LTBP1: variants seen among roughly 807,000 people sequenced by gnomAD.
LTBP1 encodes the protein latent-transforming growth factor beta-binding protein 1.
LTBP1 carries 129 observed loss-of-function variants against 207.6 expected under a neutral mutation model. The ratio of observed to expected loss-of-function variants is 0.62; its 90% CI spans 0.54 to 0.72. The LOEUF (loss-of-function observed/expected upper bound fraction) is 0.72. Ranked by LOEUF, LTBP1 falls within the 30% of genes least tolerant of loss-of-function variation. The pLI, the probability that LTBP1 is intolerant of heterozygous loss-of-function variation, is 0.00. For synonymous variants in LTBP1, 963 were observed against 833.7 expected, an observed-to-expected ratio of 1.16 and a Z score of -2.67; for missense variants, 2,281 against 2,217.2, an observed-to-expected ratio of 1.03 and a Z score of -0.58.
chr2:33,259,933 C>T (rs1401942188), intron 13 of LTBP1, among the ~76,000 whole-genome samples: 1 of 152,150 alleles, frequency 6.6e-6, no homozygotes, highest in African/African-American at 2.4e-5. Flanking sequence ...ACCTGATGGC[C>T]TGGACCATCT....
At chr2:33,352,652 CCTCT>C (rs1315585666) in intron 26 of LTBP1, among the ~76,000 whole-genome samples, 1 of 152,122 alleles carries the variant, frequency 6.6e-6, no homozygotes, top group East Asian at 1.9e-4. Flanking sequence ...TCTCTCCTCG[CCTCT>C]CTCATCAATT....
intron 3 of LTBP1, among the ~76,000 whole-genome samples, chr2:33,079,915 C>T (rs1051207923): frequency 4.1e-5 from 6 of 147,134 alleles, no homozygotes; most frequent in Non-Finnish European, 7.5e-5. Flanking sequence ...GCTATTCTTT[C>T]TTTCTCTGTG....
intron 24 of LTBP1, among the ~76,000 whole-genome samples, chr2:33,321,689 C>T (rs977096171): frequency 6.6e-6 from 1 of 152,168 alleles, no homozygotes; most frequent in African/African-American, 2.4e-5. Context: ...CTGAAGAACT[C>T]TGATGCAGTA....
intron 2 of LTBP1, among the ~76,000 whole-genome samples, chr2:32,991,610 A>G (rs866237253): frequency 6.6e-5 from 10 of 152,230 alleles, no homozygotes; most frequent in African/African-American, 2.2e-4. Context: ...TGACATGGGT[A>G]AAGTTTCGGT....
At chr2:33,390,540 G>A (rs894139226) in intron 32 of LTBP1, among the ~76,000 whole-genome samples, 1 of 151,684 alleles carries the variant, frequency 6.6e-6, no homozygotes, top group Non-Finnish European at 1.5e-5. Context: ...CCAGGCTGGA[G>A]TGCAGTGCCA....
chr2:33,034,953 C>A (rs552261913), intron 3 of LTBP1, among the ~76,000 whole-genome samples: 1 of 152,048 alleles, frequency 6.6e-6, no homozygotes, highest in Admixed American at 6.6e-5. Context: ...ATTTTTATAC[C>A]GCAGAATGCC....
At chr2:33,006,862 C>G (rs190732710) in intron 2 of LTBP1, among the ~76,000 whole-genome samples, 1 of 152,004 alleles carries the variant, frequency 6.6e-6, no homozygotes, top group Non-Finnish European at 1.5e-5. Context: ...CCAGATGCAT[C>G]GTGTGTTTTG....
At chr2:33,278,714 C>G (rs2093497475) in intron 18 of LTBP1, among the ~76,000 whole-genome samples, 1 of 151,990 alleles carries the variant, frequency 6.6e-6, no homozygotes, top group South Asian at 2.1e-4. Flanking sequence ...AGTTGTAGTT[C>G]TATTTTTTTG....
intron 5 of LTBP1, among the ~76,000 whole-genome samples, chr2:33,139,080 C>A (rs4452122): frequency 8.7e-5 from 13 of 148,852 alleles, no homozygotes; most frequent in Middle Eastern, 6.9e-3. Flanking sequence ...GGATGGTCTC[C>A]ATCTCCTGAC....
At chr2:33,249,476 G>A (rs1247561481) in intron 10 of LTBP1, among the ~76,000 whole-genome samples, 1 of 152,086 alleles carries the variant, frequency 6.6e-6, no homozygotes, top group African/African-American at 2.4e-5. Context: ...TTAAATATAA[G>A]TTGCTTAATA....
intron 3 of LTBP1, among the ~76,000 whole-genome samples, chr2:33,081,226 G>C (rs2078377767): frequency 6.6e-6 from 1 of 152,102 alleles, no homozygotes; most frequent in African/African-American, 2.4e-5. Flanking sequence ...CTGGAATGAA[G>C]ATTTTAGGAC....
At chr2:33,254,670 A>G (rs1306707896) in intron 11 of LTBP1, among the ~76,000 whole-genome samples, 1 of 145,270 alleles carries the variant, frequency 6.9e-6, no homozygotes, top group African/African-American at 2.6e-5. Flanking sequence ...ATATGTATAC[A>G]TGTGCCATAT....
At chr2:32,963,718 C>G (rs1195728849) in intron 2 of LTBP1, among the ~76,000 whole-genome samples, 1 of 152,136 alleles carries the variant, frequency 6.6e-6, no homozygotes, top group East Asian at 1.9e-4. Context: ...TCCAGGACCT[C>G]CTACAACAGA....
chr2:33,373,011 C>T (rs545158505), intron 31 of LTBP1, among the ~76,000 whole-genome samples: 1 of 152,098 alleles, frequency 6.6e-6, no homozygotes, highest in Non-Finnish European at 1.5e-5. Context: ...CTTAAGTACC[C>T]AGGGATCCCA....
chr2:32,966,756 C>G (rs1417083678), intron 2 of LTBP1, among the ~76,000 whole-genome samples: 1 of 152,032 alleles, frequency 6.6e-6, no homozygotes, highest in African/African-American at 2.4e-5. Context: ...TGTTTTTATT[C>G]ATTGTTGCAT....
chr2:33,360,444 A>G (rs532746922), intron 26 of LTBP1, among the ~76,000 whole-genome samples, 153 bp from the exon 27 acceptor site: 132 of 152,346 alleles, frequency 8.7e-4, no homozygotes, highest in African/African-American at 3.1e-3. Context: ...TTTTATCTCA[A>G]AGTGGAAGAA....
At chr2:33,301,419 A>G (rs1338878917) in intron 21 of LTBP1, 103 bp from the exon 22 acceptor site, 3 of 1,344,358 alleles carry the variant, frequency 2.2e-6, no homozygotes, top group African/African-American at 2.9e-5. Flanking sequence ...CATTACTTGT[A>G]TCAACATTGT....
At chr2:33,088,425 C>G (rs758029123) in intron 3 of LTBP1, among the ~76,000 whole-genome samples, 1 of 152,042 alleles carries the variant, frequency 6.6e-6, no homozygotes, top group Non-Finnish European at 1.5e-5. Context: ...GCACTTCAGC[C>G]TTGGCGACAG....
intron 9 of LTBP1, among the ~76,000 whole-genome samples, chr2:33,241,052 A>C (rs1573377106): frequency 6.6e-6 from 1 of 152,322 alleles, no homozygotes; most frequent in Non-Finnish European, 1.5e-5. Context: ...TAGTGTATAT[A>C]CGTTAAATAT....
Sources: gnomAD v4.1 joint callset for allele counts (sites outside exome capture counted in the v4.1 genomes callset) on GRCh38, gnomAD v4.1.1 for gene constraint, MANE v1.5 for transcripts, NCBI Gene and HGNC (gene_info 2026-07-23, HGNC 2026-07-21) for gene names.